Variants in SLC35F2 observed in about 807,000 individuals in gnomAD.
The protein encoded by SLC35F2 is solute carrier family 35 member F2, also known as queuine/queuosine transporter SLC35F2.
SLC35F2 carries 25 observed loss-of-function variants against 38.1 expected under a neutral mutation model. The ratio of observed to expected loss-of-function variants is 0.66; its 90% CI spans 0.48 to 0.92. The LOEUF is 0.92. Among genes scored for constraint, SLC35F2 ranks in the 40% least tolerant of loss-of-function variants. The pLI is 0.00. For synonymous variants in SLC35F2, 173 were observed against 181.7 expected (o/e 0.95, Z 0.38); for missense variants, 409 against 452.9 (o/e 0.90, Z 0.88).
intron 3 of SLC35F2, 58 bp from the exon 4 acceptor site, chr11:107,806,934 T>C (rs927375969): frequency 8.0e-6 from 12 of 1,507,662 alleles, no homozygotes; most frequent in Non-Finnish European, 1.0e-5. Context: ...AAAAGATGGG[T>C]AATTAAGAAA....
intron 1 of SLC35F2, among the ~76,000 whole-genome samples, chr11:107,826,862 A>C (rs1359308858): frequency 6.6e-6 from 1 of 152,200 alleles, no homozygotes; most frequent in East Asian, 1.9e-4. Context: ...ACAATAGCTT[A>C]AACTGTTTTG....
In SLC35F2 at chr11:107,816,122, G is replaced by C. The variant is rs144497223; in HGVS notation, c.111-157C>G. The C allele has an allele frequency of 7.3e-4, 715 of 984,690 alleles. 1 individual carries two copies. The African/African-American group carries it at 0.012, about 16-fold the overall frequency. 61.0% of individuals were successfully genotyped at this position (984,690 alleles called of 1,614,324 possible). A position where few individuals can be genotyped will look rare whatever the true frequency, so the allele number is the denominator to read the frequency against. On this transcript the variant is annotated intron_variant, in intron 1 of 7. Transcript: ENST00000525815. ...CATTTCATGAAATAAAAATTAAAAT[G>C]TTAGTTACTGAAGGACTACATTTTT... is the stretch of plus-strand genomic sequence containing the variant.
intron 1 of SLC35F2, among the ~76,000 whole-genome samples, chr11:107,853,030 G>A (rs1860213965): frequency 1.3e-5 from 2 of 152,162 alleles, no homozygotes; most frequent in Middle Eastern, 3.4e-3. Flanking sequence ...AGTAATGTGG[G>A]TGTAGACTGA....
intron 1 of SLC35F2, among the ~76,000 whole-genome samples, chr11:107,825,379 C>CT (rs572239452): frequency 2.9e-3 from 242 of 84,592 alleles, no homozygotes; most frequent in African/African-American, 7.1e-3. Flanking sequence ...TTTTTTTTTT[C>CT]TTTTTTTTTT....
rs145491650 is a variant in SLC35F2 at position 107,792,675 on chromosome 11, A to G, written c.1065T>C (p.Ile355=). 2.3e-4 allele frequency: 371 copies of G among 1,613,822 alleles called. 2 individuals are homozygous for G. The African/African-American group carries it at 4.3e-3, about 19-fold the overall frequency. The change falls in exon 8 of 8, where the codon ATT becomes ATC. Residue 355 remains isoleucine (I), a synonymous_variant. Transcript: ENST00000525815. ...SSVPPVTSIG[I]DNLGLKLEEN... is the part of the protein sequence containing the mutation. ...CCTCCAGCTTCAGCCCCAGGTTGTC[A>G]ATCCCAATGCTGGTGACTGGAGGCA...
rs576083839 is a variant in SLC35F2, at chr11:107,853,588, T to C, written c.110+5070A>G. 2.0e-3 allele frequency among the ~76,000 whole-genome samples: 305 copies of C among 151,186 alleles called. 1 individual carries two copies. The highest frequency in any genetic ancestry group is 7.1e-3 in the African/African-American group (294 of 41,230). On this transcript the variant is annotated intron_variant, in intron 1 of 7. Transcript: ENST00000525815. Reference sequence around the variant, plus strand: ...AAAAAAAATTAGCCGGGCGTGGTGGTGGGCGCCTGTAGTCCCAGCTACTCG... The same window carrying C: ...AAAAAAAATTAGCCGGGCGTGGTGGCGGGCGCCTGTAGTCCCAGCTACTCG...
intron 1 of SLC35F2, among the ~76,000 whole-genome samples, chr11:107,845,183 T>A (rs1860086625): frequency 6.6e-6 from 1 of 152,040 alleles, no homozygotes; most frequent in African/African-American, 2.4e-5. Context: ...TCCCCACAAT[T>A]CTCTGGGAAG....
At chr11:107,815,390 A>T (rs763966626) in intron 2 of SLC35F2, among the ~76,000 whole-genome samples, 67 of 116,506 alleles carry the variant, frequency 5.8e-4, no homozygotes, top group East Asian at 4.8e-3. Flanking sequence ...TCTCTAAAAT[A>T]AAAAAAAAAA....
intron 7 of SLC35F2, among the ~76,000 whole-genome samples, chr11:107,797,378 CAG>C (rs144974847): frequency 0.057 from 8,583 of 151,708 alleles, 282 homozygotes; most frequent in East Asian, 0.15. Flanking sequence ...AGGAGTGAGA[CAG>C]AGAGAGAAGA....
At chr11:107,810,668 C>T in intron 3 of SLC35F2, 1 of 985,172 alleles carries the variant, frequency 1.0e-6, no homozygotes, top group African/African-American at 1.7e-5. Context: ...TTAACCCATA[C>T]TGGTCAAAAT....
At chr11:107,813,550 T>G (rs1294016768) in intron 2 of SLC35F2, among the ~76,000 whole-genome samples, 1 of 152,192 alleles carries the variant, frequency 6.6e-6, no homozygotes, top group Admixed American at 6.5e-5. Flanking sequence ...CAACCATCCC[T>G]TAGGGAGACT....
rs367634029 is a variant in SLC35F2 at position 107,815,801 on chromosome 11, G to A, written c.275C>T (p.Ala92Val). 3.1e-5 allele frequency: 50 copies of A among 1,605,748 alleles called. 1 individual carries two copies. The East Asian group carries it at 6.3e-4, about 20-fold the overall frequency. ...LLFLIYTVML[A>V]FRSGSDNLLV... ...CACATTTGACATACCTGATCGAAATGCCAGCATCACTGTATAAATTAGGAA... is the reference window on the plus strand; with the variant it reads ...CACATTTGACATACCTGATCGAAATACCAGCATCACTGTATAAATTAGGAA... The change falls in exon 2 of 8, where the codon GCA becomes GTA. Residue 92 changes from alanine to valine, a missense_variant. Ala to Val is a moderately conservative substitution (Grantham distance 64). Transcript: ENST00000525815.
rs559832279 is a variant in SLC35F2 at position 107,829,382 on chromosome 11, G to A, written c.111-13417C>T. Among the ~76,000 whole-genome samples, 22 of 151,464 alleles carry A rather than the reference G, an allele frequency of 1.5e-4. 1 individual carries two copies. The South Asian group carries it at 1.9e-3, about 13-fold the overall frequency. On this transcript the variant is annotated intron_variant, in intron 1 of 7. Coordinates refer to ENST00000525815, the MANE Select transcript of SLC35F2 (RefSeq NM_017515.5). ...TGCAGTGAACAGAGATCGTGCCACC[G>A]CACTACAGTCTGGGTGACAGAGTGA...
intron 1 of SLC35F2, among the ~76,000 whole-genome samples, chr11:107,855,870 T>C (rs1373081425): frequency 2.6e-5 from 4 of 151,110 alleles, no homozygotes; most frequent in Non-Finnish European, 5.9e-5. Context: ...CCCAGCACTT[T>C]TGGAGGCTGA....
At chr11:107,807,463 G>C (rs1215112428) in intron 3 of SLC35F2, among the ~76,000 whole-genome samples, 2 of 151,772 alleles carry the variant, frequency 1.3e-5, no homozygotes, top group South Asian at 2.1e-4. Flanking sequence ...TAAATGAATA[G>C]ATAATAAAAT....
Position 107,791,412 on chromosome 11 carries a change from G to A in SLC35F2, c.*1203C>T, listed in dbSNP as rs983082273. ...ATAGGAATATTCCAGGAGGTCGTGAGAAGTTTTTAGAAAGGATGGCATCTA... is the reference window on the plus strand; with the variant it reads ...ATAGGAATATTCCAGGAGGTCGTGAAAAGTTTTTAGAAAGGATGGCATCTA... On this transcript the variant is annotated 3_prime_UTR_variant, in exon 8 of 8. Transcript: ENST00000525815. 1.1e-4 allele frequency: 16 copies of A among 152,172 alleles called. No homozygotes were observed. Among genetic ancestry groups the A allele is most frequent in the African/African-American group, 3.6e-4 (15 of 41,438 alleles). The allele number at this position is 152,172 out of a possible 1,614,324, so 9.4% of individuals were successfully genotyped here.
chr11:107,830,550 C>T (rs1236896692), intron 1 of SLC35F2, among the ~76,000 whole-genome samples: 1 of 146,020 alleles, frequency 6.8e-6, no homozygotes, highest in East Asian at 2.0e-4. Flanking sequence ...CGCCACTGCA[C>T]TCCAACCTGG....
chr11:107,794,055 G>A (rs905564416), intron 7 of SLC35F2, among the ~76,000 whole-genome samples: 3 of 150,236 alleles, frequency 2.0e-5, no homozygotes, highest in African/African-American at 4.9e-5. Context: ...AAAAGTTGAA[G>A]TATTAAAGAA....
rs149555970 is a variant in SLC35F2 at position 107,827,931 on chromosome 11, T to C, written c.111-11966A>G. On this transcript the variant is annotated intron_variant, in intron 1 of 7. Transcript: ENST00000525815. ...GTCTCAAAATAAATAAATTAATTAA[T>C]TAAGTAAACAAAAATAAAAAGAACT... 5.2e-3 allele frequency among the ~76,000 whole-genome samples: 793 copies of C among 152,116 alleles called. 4 individuals are homozygous for C. The highest frequency in any genetic ancestry group is 0.018 in the African/African-American group (757 of 41,502).
Sources: allele counts gnomAD v4.1 joint callset (sites outside exome capture counted in the v4.1 genomes callset), GRCh38; gene constraint gnomAD v4.1.1; transcripts MANE v1.5; gene names NCBI Gene and HGNC (gene_info 2026-07-23, HGNC 2026-07-21).